Variants in FSHR observed in about 807,000 individuals in gnomAD.
FSHR encodes the protein follicle stimulating hormone receptor.
Under a neutral mutation model 52.1 loss-of-function variants are expected in FSHR, and 46 were observed. The observed-to-expected ratio is 0.88, with a 90% CI of 0.70 to 1.13. The LOEUF (loss-of-function observed/expected upper bound fraction) is 1.13, where lower values mean the gene tolerates loss of function less well. Ranked by LOEUF, FSHR falls within the 50% of genes most tolerant of loss-of-function variation. FSHR has a pLI of 0.00. For missense variants in FSHR, 964 were observed against 834.6 expected, an observed-to-expected ratio of 1.16 and a Z score of -1.91; for synonymous variants, 399 against 309.6, an observed-to-expected ratio of 1.29 and a Z score of -3.03.
intron 1 of FSHR, among the ~76,000 whole-genome samples, chr2:49,087,677 C>A (rs991205242): frequency 2.0e-4 from 30 of 152,228 alleles, no homozygotes; most frequent in Non-Finnish European, 4.0e-4. Flanking sequence ...AAATTACATA[C>A]ATATGCATAG....
intron 1 of FSHR, among the ~76,000 whole-genome samples, chr2:49,086,806 A>G (rs192702946): frequency 6.6e-6 from 1 of 151,986 alleles, no homozygotes; most frequent in Non-Finnish European, 1.5e-5. Context: ...ATGTCTGGCT[A>G]ATTTTCTTAG....
intron 2 of FSHR, among the ~76,000 whole-genome samples, chr2:49,042,486 G>A (rs561381514): frequency 7.2e-5 from 11 of 152,314 alleles, no homozygotes; most frequent in African/African-American, 2.4e-4. Context: ...AAAGGTGGGA[G>A]TCAAAATTCA....
chr2:48,984,924 G>A (rs1354838540), intron 6 of FSHR, among the ~76,000 whole-genome samples: 2 of 152,138 alleles, frequency 1.3e-5, no homozygotes, highest in East Asian at 3.8e-4. Flanking sequence ...ATATGGGGAG[G>A]AGGATGGTAT....
intron 1 of FSHR, among the ~76,000 whole-genome samples, chr2:49,138,870 T>C (rs2103830599): frequency 1.3e-5 from 2 of 152,338 alleles, no homozygotes; most frequent in Admixed American, 1.3e-4. Context: ...TTTTTTTTAA[T>C]AATGCAAAAG....
At chr2:49,027,106 T>C (rs1375641198) in intron 2 of FSHR, among the ~76,000 whole-genome samples, 2 of 152,190 alleles carry the variant, frequency 1.3e-5, no homozygotes, top group African/African-American at 4.8e-5. Context: ...TGGACTAACC[T>C]AAGTTTTTAA....
chr2:48,990,090 C>A (rs1340185852), intron 5 of FSHR, among the ~76,000 whole-genome samples: 1 of 152,138 alleles, frequency 6.6e-6, no homozygotes, highest in African/African-American at 2.4e-5. Flanking sequence ...CCATTATATG[C>A]TACCTTTTCT....
chr2:49,114,148 GA>G (rs924201147), intron 1 of FSHR, among the ~76,000 whole-genome samples: 12 of 152,078 alleles, frequency 7.9e-5, no homozygotes, highest in African/African-American at 2.9e-4. Context: ...GGATGACACA[GA>G]GACCACTGTG....
chr2:48,962,731 T>C lies in FSHR; in HGVS notation c.*2A>G. On this transcript the variant is annotated 3_prime_UTR_variant, in exon 10 of 10. Coordinates refer to ENST00000406846, the MANE Select transcript of FSHR (RefSeq NM_000145.4). ...TACTCAGATACATTTTCACATTGTG[T>C]TTTAGTTTTGGGCTAAATGACTTAG... The C allele has an allele frequency of 6.2e-7, 1 of 1,613,044 alleles. No individual in the cohort carries two copies. Among genetic ancestry groups the C allele is most frequent in the Non-Finnish European group, 8.5e-7 (1 of 1,179,020 alleles).
At chr2:49,067,496 T>C (rs1225388416) in intron 2 of FSHR, among the ~76,000 whole-genome samples, 1 of 152,112 alleles carries the variant, frequency 6.6e-6, no homozygotes, top group Non-Finnish European at 1.5e-5. Context: ...AAGTCCTGAA[T>C]CCTGGCTGTC....
intron 4 of FSHR, among the ~76,000 whole-genome samples, chr2:49,008,428 G>A (rs947840572): frequency 2.0e-5 from 3 of 151,212 alleles, no homozygotes; most frequent in African/African-American, 7.3e-5. Flanking sequence ...GTCTATCATT[G>A]TTGGACATTT....
At chr2:49,088,884 A>T (rs1361605643) in intron 1 of FSHR, among the ~76,000 whole-genome samples, 2 of 152,200 alleles carry the variant, frequency 1.3e-5, no homozygotes, top group Non-Finnish European at 2.9e-5. Context: ...ACTTAAAACT[A>T]ATTTCTGTAT....
In FSHR at chr2:49,013,500, AAATATATATATAT is replaced by A. The variant is rs1269420004; in HGVS notation, c.374+3976_374+3988del. ...TATATAAATAAATATATATATATATAAATATATATATATATAAATATATATAAAAATATATATA... is the reference window on the plus strand; with the variant it reads ...TATATAAATAAATATATATATATATAATAAATATATATAAAAATATATATA... On this transcript the variant is annotated intron_variant, in intron 4 of 9. Coordinates refer to ENST00000406846, the MANE Select transcript of FSHR (RefSeq NM_000145.4). Among the ~76,000 whole-genome samples the A allele has an allele frequency of 2.3e-3, 166 of 71,754 alleles. 1 individual carries two copies. The East Asian group carries it at 0.04, about 17-fold the overall frequency. 47.1% of individuals were successfully genotyped at this position (71,754 alleles called of 152,430 possible).
At chr2:49,084,383 A>T (rs1179380201) in intron 1 of FSHR, among the ~76,000 whole-genome samples, 1 of 152,202 alleles carries the variant, frequency 6.6e-6, no homozygotes, top group Non-Finnish European at 1.5e-5. Context: ...AATGCCCACA[A>T]GAGAAAGTAG....
chr2:49,141,274 A>T (rs978113286), intron 1 of FSHR, among the ~76,000 whole-genome samples: 1 of 152,192 alleles, frequency 6.6e-6, no homozygotes, highest in Non-Finnish European at 1.5e-5. Flanking sequence ...CTATTAAAAA[A>T]TACCTAAGAC....
intron 2 of FSHR, among the ~76,000 whole-genome samples, chr2:49,040,738 GCAAA>G (rs1668452648): frequency 6.6e-6 from 1 of 152,240 alleles, no homozygotes; most frequent in African/African-American, 2.4e-5. Context: ...ATGAATAATA[GCAAA>G]CAAAGTTTAA....
intron 1 of FSHR, among the ~76,000 whole-genome samples, chr2:49,127,427 G>A (rs1210140788): frequency 6.6e-6 from 1 of 151,938 alleles, no homozygotes; most frequent in Non-Finnish European, 1.5e-5. Flanking sequence ...AGCAAGAAAA[G>A]TGCATCATGG....
intron 4 of FSHR, among the ~76,000 whole-genome samples, chr2:49,011,445 C>T (rs1324346581): frequency 2.0e-5 from 3 of 151,968 alleles, no homozygotes; most frequent in Non-Finnish European, 4.4e-5. Context: ...AGCTTGACTT[C>T]CAAGTATGTG....
intron 1 of FSHR, among the ~76,000 whole-genome samples, chr2:49,114,371 T>C (rs1671528130): frequency 6.6e-6 from 1 of 152,186 alleles, no homozygotes; most frequent in Non-Finnish European, 1.5e-5. Flanking sequence ...AATGCATTGC[T>C]TTTACATAAC....
intron 4 of FSHR, among the ~76,000 whole-genome samples, chr2:49,001,185 A>G (rs1666869016): frequency 6.6e-6 from 1 of 152,166 alleles, no homozygotes. Context: ...CATAAGCTAG[A>G]CACCATTGTA....
Sources: allele counts gnomAD v4.1 joint callset (sites outside exome capture counted in the v4.1 genomes callset), GRCh38; gene constraint gnomAD v4.1.1; transcripts MANE v1.5; gene names NCBI Gene and HGNC (gene_info 2026-07-23, HGNC 2026-07-21).